Variants in ACSBG1 observed in about 807,000 individuals in gnomAD.
ACSBG1 encodes the protein long-chain-fatty-acid--CoA ligase ACSBG1.
ACSBG1 carries 39 observed loss-of-function variants against 80.2 expected under a neutral mutation model. The ratio of observed to expected loss-of-function variants is 0.49; its 90% CI spans 0.38 to 0.64. ACSBG1 has a LOEUF of 0.64. Among genes scored for constraint, ACSBG1 ranks in the 30% least tolerant of loss-of-function variants. ACSBG1 has a pLI of 0.00. For missense variants in ACSBG1, 828 were observed against 966.4 expected (o/e 0.86, Z 1.90); for synonymous variants, 392 against 379.5 (o/e 1.03, Z -0.38).
At chr15:78,176,107 T>C (rs1380555860) in intron 11 of ACSBG1, among the ~76,000 whole-genome samples, 1 of 152,192 alleles carries the variant, frequency 6.6e-6, no homozygotes. Context: ...AGGATCTCAC[T>C]ATGTTGCCCA....
chr15:78,185,143 G>T (rs544210788), intron 5 of ACSBG1, among the ~76,000 whole-genome samples: 1 of 152,270 alleles, frequency 6.6e-6, no homozygotes, highest in African/African-American at 2.4e-5. Context: ...CAGGAAAGCT[G>T]AGGCGGCTAG....
At chr15:78,234,058 G>T (rs750711169) in intron 1 of ACSBG1, among the ~76,000 whole-genome samples, 1 of 152,182 alleles carries the variant, frequency 6.6e-6, no homozygotes, top group Non-Finnish European at 1.5e-5. Context: ...CCCCCTTGAG[G>T]AGACAGGGAA....
chr15:78,210,935 T>C lies in ACSBG1; in HGVS notation c.132-2833A>G, dbSNP rs79550281. Among the ~76,000 whole-genome samples, 1,460 of 152,332 alleles carry C rather than the reference T, an allele frequency of 9.6e-3. 36 individuals carry two copies. The highest frequency in any genetic ancestry group is 0.032 in the African/African-American group (1,346 of 41,584). On this transcript the variant is annotated intron_variant, in intron 1 of 13. Transcript: ENST00000258873. ...GGCCATTTTTTAGTTTTTAATCCTC[T>C]CCTCTGTGACTAGCAGTCACTTCTT...
intron 5 of ACSBG1, among the ~76,000 whole-genome samples, chr15:78,189,941 G>T (rs2075042657): frequency 6.6e-6 from 1 of 151,840 alleles, no homozygotes; most frequent in Non-Finnish European, 1.5e-5. Flanking sequence ...AAACAGAATA[G>T]TTGTAATAAA....
chr15:78,215,724 G>GAAAGGAAGAA (rs942679171), intron 1 of ACSBG1, among the ~76,000 whole-genome samples: 1 of 116,554 alleles, frequency 8.6e-6, no homozygotes, highest in Admixed American at 9.4e-5. Flanking sequence ...AAGAAAGAAA[G>GAAAGGAAGAA]AGAAAGAAAG....
At chr15:78,219,322 C>T (rs996430616) in intron 1 of ACSBG1, among the ~76,000 whole-genome samples, 6 of 150,234 alleles carry the variant, frequency 4.0e-5, no homozygotes, top group Admixed American at 6.7e-5. Context: ...GCAGGAGAAT[C>T]GCTTGAACCT....
chr15:78,221,387 T>G (rs143212163), intron 1 of ACSBG1, among the ~76,000 whole-genome samples: 22 of 152,286 alleles, frequency 1.4e-4, no homozygotes, highest in African/African-American at 5.1e-4. Flanking sequence ...GCACGTAGGC[T>G]AGATTTATGT....
At chr15:78,202,323 G>A (rs867209594) in intron 2 of ACSBG1, among the ~76,000 whole-genome samples, 7 of 152,034 alleles carry the variant, frequency 4.6e-5, no homozygotes, top group African/African-American at 7.2e-5. Flanking sequence ...CGATTCCCCC[G>A]CCTCAGCCTC....
chr15:78,220,643 T>G (rs2075352872), intron 1 of ACSBG1, among the ~76,000 whole-genome samples: 1 of 152,126 alleles, frequency 6.6e-6, no homozygotes, highest in Non-Finnish European at 1.5e-5. Context: ...ATAATCCAGT[T>G]AAAACTGAGC....
intron 1 of ACSBG1, among the ~76,000 whole-genome samples, chr15:78,222,306 G>T (rs2141385033): frequency 6.6e-6 from 1 of 152,306 alleles, no homozygotes; most frequent in Admixed American, 6.5e-5. Context: ...GGATTGAGGA[G>T]AAATAGGAAG....
In ACSBG1 at chr15:78,172,151, CTCACATTG is replaced by C. The variant is rs2074831859; in HGVS notation, c.2090-630_2090-623del. Among the ~76,000 whole-genome samples the C allele has an allele frequency of 6.6e-6, 1 of 152,238 alleles. No individual in the cohort carries two copies. On this transcript the variant is annotated intron_variant, in intron 13 of 13. Transcript: ENST00000258873. The surrounding 1 kb of genome is among the most constrained non-coding windows in gnomAD (Gnocchi z 4.1). ...CTCAGCTGCAAGTGACTGCACCCAG[CTCACATTG>C]ACTGTAATCCCGTGAGACCCAAGCC...
At position 78,194,720 on chromosome 15, in the gene ACSBG1, G is replaced by A. The variant is rs371644295; in HGVS notation, c.239C>T (p.Ala80Val). 93 of 1,611,986 alleles carry A rather than the reference G, an allele frequency of 5.8e-5. 1 individual carries two copies. Among genetic ancestry groups the A allele is most frequent in the African/African-American group, 5.6e-4 (42 of 74,912 alleles). ...NNAQWDAPEE[A>V]LWTTRADGRV... ...CCCATCGGCCCGAGTCGTCCACAGC[G>A]CCTCCTCTGTGGGGTGGGGGAGACC... The change falls in exon 3 of 14, where the codon GCG becomes GTG. Residue 80 changes from alanine to valine, a missense_variant. Coordinates refer to ENST00000258873, the MANE Select transcript of ACSBG1 (RefSeq NM_015162.5).
At chr15:78,190,159 AG>A (rs2075044365) in intron 5 of ACSBG1, among the ~76,000 whole-genome samples, 1 of 152,094 alleles carries the variant, frequency 6.6e-6, no homozygotes, top group Admixed American at 6.5e-5. Flanking sequence ...CTGTAATCTT[AG>A]TACTTTGGGA....
chr15:78,219,883 C>T (rs1323543992), intron 1 of ACSBG1, among the ~76,000 whole-genome samples: 2 of 152,140 alleles, frequency 1.3e-5, no homozygotes, highest in Non-Finnish European at 2.9e-5. Context: ...ACTCAGAAGG[C>T]TGAGGCAGGA....
chr15:78,178,554 G>C lies in ACSBG1; in HGVS notation c.1702+60C>G. 6.5e-7 allele frequency: 1 copy of C among 1,531,526 alleles called. No individual in the cohort carries two copies. The highest frequency in any genetic ancestry group is 8.8e-7 in the Non-Finnish European group (1 of 1,139,788). The allele number at this position is 1,531,526 out of a possible 1,614,324, so 94.9% of individuals were successfully genotyped here. ...TGAGCTCAGACAATCTGCCCGCCTT[G>C]GCCTCCCAAAGTGCTGGGATTACAG... On this transcript the variant is annotated intron_variant, in intron 11 of 13. Transcript: ENST00000258873. This position sits in a 1 kb window ranked among gnomAD's most constrained non-coding sequence, Gnocchi z 4.3.
chr15:78,188,520 G>A (rs1290384835), intron 5 of ACSBG1, among the ~76,000 whole-genome samples: 10 of 146,128 alleles, frequency 6.8e-5, no homozygotes, highest in Middle Eastern at 3.6e-3. Flanking sequence ...AAATAACACC[G>A]CATATCTACA....
At chr15:78,193,858 G>A (rs984474801) in intron 4 of ACSBG1, 74 bp downstream of exon 4, 65 of 1,550,228 alleles carry the variant, frequency 4.2e-5, no homozygotes, top group Non-Finnish European at 5.2e-5. Flanking sequence ...CTGCTAAAAA[G>A]AGATAAGGAC....
At chr15:78,183,447 C>T (rs2074969530) in intron 5 of ACSBG1, among the ~76,000 whole-genome samples, 1 of 152,034 alleles carries the variant, frequency 6.6e-6, no homozygotes, top group African/African-American at 2.4e-5. Context: ...TGTGGTGGTG[C>T]ATGCCTGTAA....
At chr15:78,180,045 C>T (rs752324776) in intron 9 of ACSBG1, among the ~76,000 whole-genome samples, 8 of 152,122 alleles carry the variant, frequency 5.3e-5, no homozygotes, top group African/African-American at 1.4e-4. Context: ...TACAGGTGTA[C>T]GGGCAACAAC....
Sources: gnomAD v4.1 joint callset for allele counts (sites outside exome capture counted in the v4.1 genomes callset) on GRCh38, gnomAD v4.1.1 for gene constraint, Gnocchi (gnomAD v3.1) non-coding constraint, MANE v1.5 for transcripts, NCBI Gene and HGNC (gene_info 2026-07-23, HGNC 2026-07-21) for gene names.